Variants in STARD13 observed in about 807,000 individuals in gnomAD.
STARD13 encodes the protein stAR-related lipid transfer protein 13.
STARD13 carries 62 observed loss-of-function variants against 106.4 expected under a neutral mutation model. That is an observed-to-expected ratio of 0.58 (90% CI 0.48 to 0.72). STARD13 has a LOEUF of 0.72. Ranked by LOEUF, STARD13 falls within the 30% of genes least tolerant of loss-of-function variation. The pLI is 0.00. For missense variants in STARD13, 1,387 were observed against 1,424.0 expected, an observed-to-expected ratio of 0.97 and a Z score of 0.42; for synonymous variants, 565 against 553.0, an observed-to-expected ratio of 1.02 and a Z score of -0.31.
the STARD13 span, among the ~76,000 whole-genome samples, chr13:33,384,766 T>A: frequency 6.6e-6 from 1 of 152,198 alleles, no homozygotes; most frequent in African/African-American, 2.4e-5. Context: ...CCCATCTCCT[T>A]AATCCTTACT....
the STARD13 span, among the ~76,000 whole-genome samples, chr13:33,643,159 GCACACACACA>G: frequency 3.4e-4 from 48 of 139,820 alleles, no homozygotes; most frequent in South Asian, 7.6e-4. Flanking sequence ...CATAGAACAT[GCACACACACA>G]CACACACACA....
In STARD13 at chr13:33,350,567, G is replaced by A. The variant is rs75508306; in HGVS notation, c.-154C>T. On this transcript the variant is annotated 5_prime_UTR_variant, in exon 1 of 2. Transcript: ENST00000439831. ...GCGCGACATGGGTCGGTCCGGCGCT[G>A]GGAGGCTGCGCCACGCGCGAGGACC... is the stretch of plus-strand genomic sequence containing the variant. 1,424 of 1,397,174 alleles carry A rather than the reference G, an allele frequency of 1.0e-3. 16 individuals are homozygous for A. The African/African-American group carries it at 0.02, about 19-fold the overall frequency. The allele number at this position is 1,397,174 out of a possible 1,614,324, so 86.5% of individuals were successfully genotyped here. A position where few individuals can be genotyped will look rare whatever the true frequency, so the allele number is the denominator to read the frequency against.
intron 11 of STARD13, 85 bp downstream of exon 11, chr13:33,110,601 A>G: frequency 8.7e-7 from 1 of 1,148,120 alleles, no homozygotes; most frequent in Non-Finnish European, 1.3e-6. Context: ...CTGTGGACAC[A>G]GCAGCTGTTT....
chr13:33,110,299 T>C (rs1172294913), intron 11 of STARD13, among the ~76,000 whole-genome samples: 1 of 152,204 alleles, frequency 6.6e-6, no homozygotes, highest in Non-Finnish European at 1.5e-5. Flanking sequence ...AAAATAATAA[T>C]CACCAACACA....
At chr13:33,339,615 T>A (rs1346321541) in intron 1 of STARD13, among the ~76,000 whole-genome samples, 3 of 152,228 alleles carry the variant, frequency 2.0e-5, no homozygotes, top group African/African-American at 7.2e-5. Flanking sequence ...TTGTTTTAGA[T>A]CTAAGAGCTA....
At chr13:33,667,148 G>C in the STARD13 span, among the ~76,000 whole-genome samples, 1 of 152,148 alleles carries the variant, frequency 6.6e-6, no homozygotes, top group African/African-American at 2.4e-5. Context: ...TGCCATTTCT[G>C]TTATCTCTGT....
At chr13:33,398,027 C>G in the STARD13 span, among the ~76,000 whole-genome samples, 1 of 152,176 alleles carries the variant, frequency 6.6e-6, no homozygotes, top group Non-Finnish European at 1.5e-5. Flanking sequence ...ATTCAGATGA[C>G]AGAAGCAGCA....
At chr13:33,561,398 G>C in the STARD13 span, among the ~76,000 whole-genome samples, 1 of 151,484 alleles carries the variant, frequency 6.6e-6, no homozygotes, top group Admixed American at 6.6e-5. Context: ...GTTTTTCCCT[G>C]ATAGACTCTG....
At chr13:33,172,838 A>C (rs1884124448) in intron 1 of STARD13, among the ~76,000 whole-genome samples, 1 of 152,196 alleles carries the variant, frequency 6.6e-6, no homozygotes, top group South Asian at 2.1e-4. Flanking sequence ...TTATGAAATC[A>C]TTACATACGA....
the STARD13 span, among the ~76,000 whole-genome samples, chr13:33,401,400 CA>C: frequency 6.6e-6 from 1 of 152,152 alleles, no homozygotes; most frequent in Admixed American, 6.5e-5. Context: ...GTTTCATTTG[CA>C]CTCATAAAAT....
intron 1 of STARD13, chr13:33,281,404 A>ATGTGTGTGTG (rs201534271): frequency 2.1e-5 from 3 of 140,872 alleles, no homozygotes; most frequent in Middle Eastern, 3.6e-3. Context: ...GGTTTTCCAA[A>ATGTGTGTGTG]TATGTGTGTG....
intron 7 of STARD13, among the ~76,000 whole-genome samples, chr13:33,119,077 A>C (rs1030222286): frequency 9.2e-5 from 14 of 152,040 alleles, no homozygotes; most frequent in Non-Finnish European, 1.5e-4. Context: ...CCTAATGAGA[A>C]TGAGTGAGGC....
chr13:33,217,293 C>T (rs1468074414), intron 1 of STARD13, among the ~76,000 whole-genome samples: 1 of 152,198 alleles, frequency 6.6e-6, no homozygotes, highest in African/African-American at 2.4e-5. Context: ...TAAGTACTGA[C>T]ATGCCACTTG....
chr13:33,461,958 T>C, the STARD13 span, among the ~76,000 whole-genome samples: 1 of 152,310 alleles, frequency 6.6e-6, no homozygotes, highest in East Asian at 1.9e-4. Flanking sequence ...TATATGATTT[T>C]CTCTCTAATT....
the STARD13 span, among the ~76,000 whole-genome samples, chr13:33,669,780 C>A: frequency 6.6e-6 from 1 of 151,954 alleles, no homozygotes; most frequent in African/African-American, 2.4e-5. Context: ...GTGATCCACC[C>A]ACTTTGGCCT....
intron 1 of STARD13, among the ~76,000 whole-genome samples, chr13:33,241,743 T>C (rs920179822): frequency 2.0e-5 from 3 of 152,136 alleles, no homozygotes; most frequent in African/African-American, 4.8e-5. Context: ...GGTTTCGCAG[T>C]GTTGGCCGGG....
chr13:33,339,563 C>T (rs760952208), intron 1 of STARD13, among the ~76,000 whole-genome samples: 1 of 152,204 alleles, frequency 6.6e-6, no homozygotes, highest in Non-Finnish European at 1.5e-5. Flanking sequence ...CTTTATGGTG[C>T]TACTCTAAAG....
intron 1 of STARD13, among the ~76,000 whole-genome samples, chr13:33,184,130 C>T (rs901847130): frequency 1.4e-4 from 21 of 152,192 alleles, no homozygotes; most frequent in African/African-American, 5.1e-4. Flanking sequence ...ACACCTCCTC[C>T]AACAAACCTT....
At chr13:33,253,512 G>A (rs1265739037) in intron 1 of STARD13, among the ~76,000 whole-genome samples, 3 of 152,174 alleles carry the variant, frequency 2.0e-5, no homozygotes, top group African/African-American at 4.8e-5. Flanking sequence ...CCTACAACAA[G>A]GGCCGCAGCG....
Sources: allele counts gnomAD v4.1 joint callset (sites outside exome capture counted in the v4.1 genomes callset), GRCh38; gene constraint gnomAD v4.1.1; transcripts MANE v1.5; gene names NCBI Gene and HGNC (gene_info 2026-07-23, HGNC 2026-07-21).